FER1L6: variants seen among roughly 807,000 people sequenced by gnomAD.
FER1L6 encodes the protein fer-1-like protein 6.
A neutral mutation model predicts 219.2 loss-of-function variants in FER1L6; 177 were observed. The observed-to-expected ratio is 0.81, with a 90% CI of 0.71 to 0.91. The LOEUF is 0.91. Among genes scored for constraint, FER1L6 ranks in the 40% least tolerant of loss-of-function variants. FER1L6 has a pLI of 0.00. For synonymous variants in FER1L6, 768 were observed against 824.3 expected (o/e 0.93, Z 1.17); for missense variants, 2,153 against 2,259.9 (o/e 0.95, Z 0.96).
chr8:123,962,571 G>A (rs1023971488), intron 2 of FER1L6, among the ~76,000 whole-genome samples: 4 of 152,092 alleles, frequency 2.6e-5, no homozygotes, highest in Non-Finnish European at 5.9e-5. Context: ...GTATAATGAG[G>A]TATGCCTGAC....
At position 124,045,872 on chromosome 8, in the gene FER1L6, G is replaced by A. The variant is rs767631026; in HGVS notation, c.2695G>A (p.Val899Met). 2.5e-6 allele frequency: 4 copies of A among 1,613,914 alleles called. No individual in the cohort carries two copies. Among genetic ancestry groups the A allele is most frequent in the Non-Finnish European group, 2.5e-6 (3 of 1,180,000 alleles). Residue 899 changes from valine to methionine, a missense_variant, in exon 21 of 41, where the codon GTG (valine) becomes ATG (methionine). Val to Met is a conservative substitution (Grantham distance 21, BLOSUM62 1). Transcript: ENST00000522917. Reference protein sequence around the residue: ...KELAESPPLVVVELYDSDAVG... With the variant: ...KELAESPPLVMVELYDSDAVG... ...GCTGGCAGAGTCCCCGCCCTTAGTGGTGGTGGAGCTGTATGACAGCGACGC... is the reference window on the plus strand; with the variant it reads ...GCTGGCAGAGTCCCCGCCCTTAGTGATGGTGGAGCTGTATGACAGCGACGC...
chr8:123,936,475 T>TC (rs200249859), intron 1 of FER1L6, among the ~76,000 whole-genome samples: 32,033 of 141,152 alleles, frequency 0.23, 4,032 homozygotes, highest in East Asian at 0.42. Context: ...TTTTTTTTTT[T>TC]TTTTTTTTTT....
At chr8:123,887,908 C>A (rs1054570537) in intron 1 of FER1L6, among the ~76,000 whole-genome samples, 1 of 152,246 alleles carries the variant, frequency 6.6e-6, no homozygotes, top group Admixed American at 6.5e-5. Flanking sequence ...GTAAAATATT[C>A]TTTAAAATCA....
intron 12 of FER1L6, among the ~76,000 whole-genome samples, chr8:123,986,859 C>T (rs1397525004): frequency 2.0e-5 from 3 of 152,150 alleles, no homozygotes; most frequent in African/African-American, 4.8e-5. Context: ...CATTCTTTTT[C>T]ATGGATGAAT....
At chr8:124,018,721 C>CT (rs1818313069) in intron 16 of FER1L6, among the ~76,000 whole-genome samples, 1 of 152,160 alleles carries the variant, frequency 6.6e-6, no homozygotes, top group South Asian at 2.1e-4. Context: ...TTCCAGCCTC[C>CT]TAATGGGCAT....
chr8:124,015,080 T>C (rs370289759), intron 15 of FER1L6, among the ~76,000 whole-genome samples: 8 of 152,184 alleles, frequency 5.3e-5, no homozygotes, highest in African/African-American at 1.4e-4. Flanking sequence ...CTAAGCTGCC[T>C]CTCATGACAG....
chr8:123,986,998 C>A (rs537466896), intron 12 of FER1L6, among the ~76,000 whole-genome samples: 1 of 152,280 alleles, frequency 6.6e-6, no homozygotes, highest in Non-Finnish European at 1.5e-5. Context: ...GACATCTCTT[C>A]GATATACTGA....
At chr8:123,949,732 C>A (rs559673358) in intron 1 of FER1L6, among the ~76,000 whole-genome samples, 2 of 152,128 alleles carry the variant, frequency 1.3e-5, no homozygotes. Flanking sequence ...TACAAATGTT[C>A]TGTGGGCAGG....
chr8:123,926,198 G>A (rs2129879084), intron 1 of FER1L6, among the ~76,000 whole-genome samples: 1 of 152,326 alleles, frequency 6.6e-6, no homozygotes, highest in South Asian at 2.1e-4. Context: ...TCAGACTTGG[G>A]ATGCTGGGCA....
intron 13 of FER1L6, among the ~76,000 whole-genome samples, chr8:124,009,701 G>A (rs1327809532): frequency 6.6e-6 from 1 of 152,080 alleles, no homozygotes; most frequent in Non-Finnish European, 1.5e-5. Flanking sequence ...TGATCGGGAG[G>A]TCCAGGAAGG....
chr8:123,906,803 C>T (rs918537348), intron 1 of FER1L6, among the ~76,000 whole-genome samples: 14 of 100,376 alleles, frequency 1.4e-4, no homozygotes, highest in African/African-American at 4.0e-4. Context: ...ACTTCATCTC[C>T]GGAAGAAAAA....
Position 123,884,831 on chromosome 8 carries a change from C to T in FER1L6, c.-8+32646C>T, listed in dbSNP as rs111769257. ...GCTGCTCCATCTGCATATGCTTTCA[C>T]CTGAGCCCCAGAGTTTGGGCAGTGC... On this transcript the variant is annotated intron_variant, in intron 1 of 40. Transcript: ENST00000522917. 6.7e-3 allele frequency among the ~76,000 whole-genome samples: 1,022 copies of T among 152,248 alleles called. 10 individuals are homozygous for T. The highest frequency in any genetic ancestry group is 0.022 in the African/African-American group (932 of 41,548).
chr8:124,062,038 A>G lies in FER1L6; in HGVS notation c.3328+6A>G. ...TGGAACCCAGCCTGGGCACGGTGAG[A>G]AGCTGCTCTTAGATTTTGTAGCTGT... On this transcript the variant is annotated splice_donor_region_variant and intron_variant, in intron 25 of 40. Coordinates refer to ENST00000522917, the MANE Select transcript of FER1L6 (RefSeq NM_001039112.2). 6.2e-7 allele frequency: 1 copy of G among 1,613,878 alleles called. No individual in the cohort carries two copies. Among genetic ancestry groups the G allele is most frequent in the South Asian group, 1.1e-5 (1 of 91,052 alleles).
intron 22 of FER1L6, among the ~76,000 whole-genome samples, chr8:124,056,643 C>T (rs1254442137): frequency 1.3e-5 from 2 of 152,168 alleles, no homozygotes; most frequent in Non-Finnish European, 2.9e-5. Context: ...GGTAAAGTGT[C>T]ATTAACTGAT....
chr8:124,060,161 T>G lies in FER1L6; in HGVS notation c.2875-19T>G, dbSNP rs1302212164. Reference sequence around the variant, plus strand: ...CTGTGTCTCTCCAGCATCTAACTCATACTTGCCTTGTGCGGTAGGTTCCTC... The same window carrying G: ...CTGTGTCTCTCCAGCATCTAACTCAGACTTGCCTTGTGCGGTAGGTTCCTC... On this transcript the variant is annotated intron_variant, in intron 22 of 40. Coordinates refer to ENST00000522917, the MANE Select transcript of FER1L6 (RefSeq NM_001039112.2). 6 of 1,594,110 alleles carry G rather than the reference T, an allele frequency of 3.8e-6. No individual in the cohort carries two copies. The East Asian group carries it at 8.9e-5, about 24-fold the overall frequency.
At chr8:123,964,750 T>C (rs1273245974) in intron 3 of FER1L6, among the ~76,000 whole-genome samples, 1 of 152,216 alleles carries the variant, frequency 6.6e-6, no homozygotes, top group Non-Finnish European at 1.5e-5. Context: ...TGAAATTCTA[T>C]CCACCCACCA....
intron 39 of FER1L6, among the ~76,000 whole-genome samples, chr8:124,116,408 T>A (rs1349121966): frequency 6.6e-6 from 1 of 151,386 alleles, no homozygotes; most frequent in African/African-American, 2.4e-5. Flanking sequence ...AGGGCATGCA[T>A]GAAACACCAT....
At chr8:123,898,707 G>GTATATACGTATATGTGTATATATAGTA (rs1554613168) in intron 1 of FER1L6, among the ~76,000 whole-genome samples, 40 of 138,710 alleles carry the variant, frequency 2.9e-4, no homozygotes, top group African/African-American at 1.0e-3. Flanking sequence ...ATGTGTATAC[G>GTATATACGTATATGTGTATATATAGTA]TATATACGTA....
In FER1L6 at chr8:123,986,547, C is replaced by T. The variant is rs75644334; in HGVS notation, c.1519+371C>T. On this transcript the variant is annotated intron_variant, in intron 12 of 40. Transcript: ENST00000522917. ...TTACACTGTTTTAGTTACTTAAAAA[C>T]GTACAGTAAGTTGTTGTTGACTGTA... 8.4e-3 allele frequency among the ~76,000 whole-genome samples: 1,278 copies of T among 152,164 alleles called. 17 individuals are homozygous for T. The highest frequency in any genetic ancestry group is 0.028 in the African/African-American group (1,142 of 41,512).
Sources: gnomAD v4.1 joint callset for allele counts (sites outside exome capture counted in the v4.1 genomes callset) on GRCh38, gnomAD v4.1.1 for gene constraint, MANE v1.5 for transcripts, NCBI Gene and HGNC (gene_info 2026-07-23, HGNC 2026-07-21) for gene names.